Variants in CPPED1 observed in about 807,000 individuals in gnomAD.
CPPED1 encodes the protein calcineurin like phosphoesterase domain containing 1.
In CPPED1, 28 loss-of-function variants were observed where a neutral mutation model predicts 28.0. That is an observed-to-expected ratio of 1.00 (90% CI 0.74 to 1.37). The LOEUF is 1.37. CPPED1 is among the 40% of genes most tolerant of loss of function. The pLI is 0.00. For missense variants in CPPED1, 504 were observed against 416.5 expected (o/e 1.21, Z -1.83); for synonymous variants, 198 against 180.2 (o/e 1.10, Z -0.79).
chr16:12,713,199 A>C (rs1047308199), intron 2 of CPPED1, among the ~76,000 whole-genome samples: 2 of 152,002 alleles, frequency 1.3e-5, no homozygotes, highest in Non-Finnish European at 2.9e-5. Flanking sequence ...CTGAATAATT[A>C]CATTTTCAAA....
At chr16:12,780,472 G>C (rs768624130) in intron 2 of CPPED1, among the ~76,000 whole-genome samples, 1 of 151,932 alleles carries the variant, frequency 6.6e-6, no homozygotes, top group Admixed American at 6.6e-5. Context: ...CACTGCACCC[G>C]GCCAGCCTGG....
chr16:12,735,015 G>GTGAA (rs530652277), intron 2 of CPPED1, among the ~76,000 whole-genome samples: 19 of 152,240 alleles, frequency 1.2e-4, no homozygotes, highest in African/African-American at 4.6e-4. Flanking sequence ...GGGCAATAGG[G>GTGAA]TGAACCCCAC....
At chr16:12,775,042 A>G (rs928466253) in intron 2 of CPPED1, among the ~76,000 whole-genome samples, 1 of 151,934 alleles carries the variant, frequency 6.6e-6, no homozygotes, top group African/African-American at 2.4e-5. Flanking sequence ...CTAGTCTCCA[A>G]CTCCTGAGCT....
At chr16:12,686,355 C>T (rs1459316747) in intron 3 of CPPED1, among the ~76,000 whole-genome samples, 3 of 151,986 alleles carry the variant, frequency 2.0e-5, no homozygotes, top group African/African-American at 7.3e-5. Flanking sequence ...AGGCATGAGC[C>T]ACCATGTCCA....
intron 1 of CPPED1, among the ~76,000 whole-genome samples, chr16:12,786,024 A>G (rs2080561103): frequency 6.6e-6 from 1 of 152,090 alleles, no homozygotes; most frequent in Non-Finnish European, 1.5e-5. Context: ...TCGGTCAAAC[A>G]GTACATGCCT....
chr16:12,720,022 T>TAC (rs924923074), intron 2 of CPPED1, among the ~76,000 whole-genome samples: 3 of 151,958 alleles, frequency 2.0e-5, no homozygotes, highest in African/African-American at 4.8e-5. Context: ...CACACACACA[T>TAC]ACACACACAC....
chr16:12,754,614 A>T, intron 2 of CPPED1, among the ~76,000 whole-genome samples: 1 of 152,228 alleles, frequency 6.6e-6, no homozygotes, highest in Admixed American at 6.5e-5. Flanking sequence ...CCAATTTCAC[A>T]GGACCTTCTC....
At chr16:12,747,138 A>AT (rs1322840117) in intron 2 of CPPED1, among the ~76,000 whole-genome samples, 2 of 151,374 alleles carry the variant, frequency 1.3e-5, no homozygotes, top group Non-Finnish European at 2.9e-5. Context: ...ACCAATAGAA[A>AT]TATCAATAAG....
chr16:12,742,908 G>A (rs1209793117), intron 2 of CPPED1, among the ~76,000 whole-genome samples: 1 of 152,154 alleles, frequency 6.6e-6, no homozygotes, highest in Non-Finnish European at 1.5e-5. Flanking sequence ...AGGGAACCAG[G>A]CACCAGTTTC....
In CPPED1 at chr16:12,660,213, G is replaced by C. The variant is rs1488058233; in HGVS notation, c.*4673C>G. 1.3e-5 allele frequency: 2 copies of C among 152,164 alleles called. No individual in the cohort carries two copies. The highest frequency in any genetic ancestry group is 4.8e-5 in the African/African-American group (2 of 41,432). 9.4% of individuals were successfully genotyped at this position (152,164 alleles called of 1,614,324 possible). ...TGACAAGAAGCCAGTTTCTAGAGAG[G>C]CACAGTGGCTCACTCATTCTAAGTG... On this transcript the variant is annotated 3_prime_UTR_variant, in exon 4 of 4. Transcript: ENST00000381774.
At chr16:12,765,812 G>T (rs944268217) in intron 2 of CPPED1, among the ~76,000 whole-genome samples, 1 of 152,080 alleles carries the variant, frequency 6.6e-6, no homozygotes, top group Non-Finnish European at 1.5e-5. Context: ...GTCCTCACCC[G>T]TTCTGGCATT....
chr16:12,695,357 G>A (rs866762563), intron 3 of CPPED1, among the ~76,000 whole-genome samples: 6 of 152,118 alleles, frequency 3.9e-5, no homozygotes, highest in South Asian at 4.2e-4. Flanking sequence ...CTTGGCTTCC[G>A]GGGCTCAAGC....
chr16:12,790,581 G>A (rs936536299), intron 1 of CPPED1, among the ~76,000 whole-genome samples: 4 of 151,976 alleles, frequency 2.6e-5, no homozygotes, highest in South Asian at 2.1e-4. Context: ...AATAATTCAC[G>A]GTAGAATACA....
chr16:12,687,799 G>C (rs1020833924), intron 3 of CPPED1, among the ~76,000 whole-genome samples: 1 of 152,078 alleles, frequency 6.6e-6, no homozygotes, highest in African/African-American at 2.4e-5. Context: ...CTTTGGGCTT[G>C]GCATAGAGTA....
chr16:12,780,149 G>A (rs1269109439), intron 2 of CPPED1, among the ~76,000 whole-genome samples: 3 of 152,004 alleles, frequency 2.0e-5, no homozygotes, highest in African/African-American at 7.2e-5. Context: ...GAGCCAGAGG[G>A]GTATGAGCCT....
At chr16:12,730,161 TA>T (rs1567288799) in intron 2 of CPPED1, among the ~76,000 whole-genome samples, 1 of 152,142 alleles carries the variant, frequency 6.6e-6, no homozygotes, top group African/African-American at 2.4e-5. Context: ...CACGGCCAGC[TA>T]ATTTTTTTTA....
intron 2 of CPPED1, among the ~76,000 whole-genome samples, chr16:12,730,696 G>A (rs1353769036): frequency 6.6e-6 from 1 of 152,200 alleles, no homozygotes; most frequent in Non-Finnish European, 1.5e-5. Flanking sequence ...AGACACAAGA[G>A]TCAATACCGC....
In CPPED1 at chr16:12,665,015, G is replaced by A. The variant is rs1005265228; in HGVS notation, c.816C>T (p.Gly272=). The change falls in exon 4 of 4, where the codon GGC becomes GGT. Residue 272 remains glycine (G), a synonymous_variant. Transcript: ENST00000381774. The part of the protein sequence containing the change: ...VVSSAIGCQL[G]RDPHGLRVVV... ...CGACTCGGAGCCCGTGGGGGTCTCT[G>A]CCCAGCTGGCATCCAATGGCAGATG... 1.2e-6 allele frequency: 2 copies of A among 1,610,440 alleles called. No homozygotes were observed. Among genetic ancestry groups the A allele is most frequent in the Non-Finnish European group, 1.7e-6 (2 of 1,178,934 alleles).
At chr16:12,744,003 G>A (rs1305318259) in intron 2 of CPPED1, among the ~76,000 whole-genome samples, 3 of 152,058 alleles carry the variant, frequency 2.0e-5, no homozygotes, top group Admixed American at 6.6e-5. Flanking sequence ...GTGGCTGGGC[G>A]TGGTGGCTCA....
Sources: gnomAD v4.1 joint callset for allele counts (sites outside exome capture counted in the v4.1 genomes callset) on GRCh38, gnomAD v4.1.1 for gene constraint, MANE v1.5 for transcripts, NCBI Gene and HGNC (gene_info 2026-07-23, HGNC 2026-07-21) for gene names.